The following ASXL3 variants were observed in gnomAD, a reference collection of about 807,000 sequenced individuals.
The protein encoded by ASXL3 is putative Polycomb group protein ASXL3.
In ASXL3, 34 loss-of-function variants were observed where a neutral mutation model predicts 170.6. That is an observed-to-expected ratio of 0.20 (90% CI 0.15 to 0.27). The LOEUF (loss-of-function observed/expected upper bound fraction) is 0.27, where lower values mean the gene tolerates loss of function less well. ASXL3 is among the 10% of genes least tolerant of loss of function. The pLI is 1.00. For missense variants in ASXL3, 2,592 were observed against 2,695.3 expected (o/e 0.96, Z 0.85); for synonymous variants, 1,002 against 989.1 (o/e 1.01, Z -0.24).
chr18:33,627,151 C>G (rs1282100741), intron 2 of ASXL3: 1 of 152,260 alleles, frequency 6.6e-6, no homozygotes, highest in Non-Finnish European at 1.5e-5. Context: ...TCACTCATTC[C>G]CCTGTCATTT....
intron 8 of ASXL3, among the ~76,000 whole-genome samples, chr18:33,724,571 T>C (rs866901818): frequency 4.6e-5 from 7 of 152,144 alleles, no homozygotes; most frequent in African/African-American, 1.7e-4. Context: ...ATAGTTGTTC[T>C]ATGAGATACT....
intron 8 of ASXL3, among the ~76,000 whole-genome samples, chr18:33,692,060 G>A (rs766331766): frequency 6.6e-6 from 1 of 152,198 alleles, no homozygotes; most frequent in Non-Finnish European, 1.5e-5. Flanking sequence ...CCAACTCCAA[G>A]CTTATGCTTT....
chr18:33,688,218 T>A (rs967628059), intron 8 of ASXL3, among the ~76,000 whole-genome samples: 6 of 151,962 alleles, frequency 3.9e-5, no homozygotes, highest in Non-Finnish European at 5.9e-5. Context: ...GCTCAGAGAG[T>A]GTGTTCATCA....
At chr18:33,655,477 A>G (rs975812177) in intron 4 of ASXL3, among the ~76,000 whole-genome samples, 1 of 152,008 alleles carries the variant, frequency 6.6e-6, no homozygotes, top group Non-Finnish European at 1.5e-5. Context: ...ATTACTAGCA[A>G]TTTATTAATC....
intron 8 of ASXL3, among the ~76,000 whole-genome samples, chr18:33,723,619 T>C (rs1284810916): frequency 6.6e-6 from 1 of 152,196 alleles, no homozygotes; most frequent in Non-Finnish European, 1.5e-5. Flanking sequence ...GTGAACATCG[T>C]TGAAGTAAAA....
At chr18:33,628,136 A>C (rs539988578) in intron 2 of ASXL3, among the ~76,000 whole-genome samples, 1 of 152,246 alleles carries the variant, frequency 6.6e-6, no homozygotes, top group African/African-American at 2.4e-5. Flanking sequence ...CCTGATGGTA[A>C]CATTGAGAAG....
intron 8 of ASXL3, among the ~76,000 whole-genome samples, chr18:33,721,221 C>T (rs2067253238): frequency 6.6e-6 from 1 of 151,984 alleles, no homozygotes; most frequent in Admixed American, 6.6e-5. Flanking sequence ...ATATCCTCTG[C>T]TGATTTGGAA....
At chr18:33,626,082 T>A (rs1252723647) in intron 2 of ASXL3, among the ~76,000 whole-genome samples, 2 of 152,082 alleles carry the variant, frequency 1.3e-5, no homozygotes, top group Non-Finnish European at 2.9e-5. Context: ...GTCCTCAGTC[T>A]TTTTATAATA....
At chr18:33,640,960 TAA>T (rs558806845) in intron 2 of ASXL3, among the ~76,000 whole-genome samples, 18 of 151,990 alleles carry the variant, frequency 1.2e-4, no homozygotes, top group African/African-American at 3.9e-4. Context: ...AAATTTTTAT[TAA>T]GACATAACAA....
chr18:33,627,147 A>AT (rs1252823582), intron 2 of ASXL3: 2 of 152,382 alleles, frequency 1.3e-5, no homozygotes, highest in Non-Finnish European at 2.9e-5. Context: ...AGAGTCACTC[A>AT]TTCCCCTGTC....
chr18:33,722,780 C>T (rs2067285094), intron 8 of ASXL3, among the ~76,000 whole-genome samples: 1 of 152,110 alleles, frequency 6.6e-6, no homozygotes, highest in African/African-American at 2.4e-5. Flanking sequence ...TGCCATTGGG[C>T]TTTTATAGCT....
intron 1 of ASXL3, among the ~76,000 whole-genome samples, chr18:33,582,035 C>T (rs942767683): frequency 2.0e-5 from 3 of 152,130 alleles, no homozygotes; most frequent in Admixed American, 6.5e-5. Flanking sequence ...TTACTTTGCG[C>T]ATTGCCATTT....
chr18:33,721,323 G>C (rs1233269530), intron 8 of ASXL3, among the ~76,000 whole-genome samples: 2 of 151,848 alleles, frequency 1.3e-5, no homozygotes, highest in African/African-American at 2.4e-5. Flanking sequence ...CCATTATTTT[G>C]GCCAAGTGGT....
rs878886098 is a variant in ASXL3 at position 33,609,068 on chromosome 18, G to A, written c.137+1392G>A. 4 of 984,680 alleles carry A rather than the reference G, an allele frequency of 4.1e-6. No individual in the cohort carries two copies. In the African/African-American group the frequency reaches 7.0e-5, roughly 17 times the overall value. 61.0% of individuals were successfully genotyped at this position (984,680 alleles called of 1,614,324 possible). A position where few individuals can be genotyped will look rare whatever the true frequency, so the allele number is the denominator to read the frequency against. On this transcript the variant is annotated intron_variant, in intron 2 of 11. Coordinates refer to ENST00000269197, the MANE Select transcript of ASXL3 (RefSeq NM_030632.3). ...TCCCCCAGAAAGTGGAGGCAGCAGT[G>A]GATAGATTAGTTGCTAACAGTACCT...
At chr18:33,742,841 G>C (rs1362883641) in intron 11 of ASXL3, 47 bp from the exon 12 acceptor site, 3 of 1,526,264 alleles carry the variant, frequency 2.0e-6, no homozygotes, top group Non-Finnish European at 2.6e-6. Context: ...CCTCCTCTGT[G>C]ATCATGTATG....
intron 8 of ASXL3, among the ~76,000 whole-genome samples, chr18:33,688,647 T>C (rs778417479): frequency 5.3e-5 from 8 of 152,230 alleles, no homozygotes; most frequent in African/African-American, 1.9e-4. Context: ...ATCATCAATG[T>C]GCCGATCATA....
rs544238802 is a variant in ASXL3, at chr18:33,638,319, G to A, written c.138-6575G>A. On this transcript the variant is annotated intron_variant, in intron 2 of 11. Transcript: ENST00000269197. ...CTCAAGCCATTCTTTCGCCTCTGCC[G>A]CACAAAATGTTGGGATTACGGGCAT... Among the ~76,000 whole-genome samples, 8 of 151,990 alleles carry A rather than the reference G, an allele frequency of 5.3e-5. No homozygotes were observed. The South Asian group carries it at 8.3e-4, about 16-fold the overall frequency.
intron 1 of ASXL3, among the ~76,000 whole-genome samples, chr18:33,587,907 A>G (rs930192598): frequency 5.9e-5 from 9 of 152,114 alleles, no homozygotes; most frequent in African/African-American, 2.2e-4. Flanking sequence ...TTCATTTGTC[A>G]TGTCCATGAG....
chr18:33,594,527 C>T (rs534920166), intron 1 of ASXL3, among the ~76,000 whole-genome samples: 2 of 152,132 alleles, frequency 1.3e-5, no homozygotes, highest in Non-Finnish European at 2.9e-5. Flanking sequence ...TCAAAGAGAT[C>T]CAACCCCTAT....
Sources: allele counts gnomAD v4.1 joint callset (sites outside exome capture counted in the v4.1 genomes callset), GRCh38; gene constraint gnomAD v4.1.1; transcripts MANE v1.5; gene names NCBI Gene and HGNC (gene_info 2026-07-23, HGNC 2026-07-21).